ADCY10: variants seen among roughly 807,000 people sequenced by gnomAD.
ADCY10 encodes the protein adenylate cyclase type 10.
A neutral mutation model predicts 183.3 loss-of-function variants in ADCY10; 156 were observed. The ratio of observed to expected loss-of-function variants is 0.85; its 90% CI spans 0.75 to 0.97. The LOEUF (loss-of-function observed/expected upper bound fraction) is 0.97. Ranked by LOEUF, ADCY10 falls within the 50% of genes least tolerant of loss-of-function variation. The probability of loss-of-function intolerance (pLI) is 0.00; values close to 1 mark genes in which losing one functional copy is unlikely to be tolerated. For synonymous variants in ADCY10, 645 were observed against 670.0 expected (o/e 0.96, Z 0.58); for missense variants, 1,745 against 1,934.3 (o/e 0.90, Z 1.84).
Position 167,901,278 on chromosome 1 carries a change from C to T in ADCY10, c.436+384G>A, listed in dbSNP as rs1281670150. ...AGGTAGGGGGTGACCAGTCTCATGT[C>T]GTTGCTGAAACTATGTAATGGCAAG... On this transcript the variant is annotated intron_variant, in intron 5 of 32. Transcript: ENST00000367851. Among the ~76,000 whole-genome samples the T allele has an allele frequency of 3.9e-5, 6 of 152,072 alleles. No individual in the cohort carries two copies. The East Asian group carries it at 1.2e-3, about 29-fold the overall frequency.
chr1:167,910,243 A>G (rs1670067853), intron 1 of ADCY10, among the ~76,000 whole-genome samples: 1 of 152,128 alleles, frequency 6.6e-6, no homozygotes. Flanking sequence ...GCACCTTTTC[A>G]TATGTTAACT....
intron 8 of ADCY10, among the ~76,000 whole-genome samples, chr1:167,884,087 A>C (rs203852): frequency 1.3e-5 from 2 of 152,196 alleles, no homozygotes; most frequent in African/African-American, 4.8e-5. Flanking sequence ...TCAAGCATTT[A>C]TCCTTTGTGT....
chr1:167,812,618 A>G (rs1347877696), intron 31 of ADCY10, among the ~76,000 whole-genome samples: 1 of 152,250 alleles, frequency 6.6e-6, no homozygotes, highest in Non-Finnish European at 1.5e-5. Context: ...GCATACCAAG[A>G]AACAGGAAAG....
chr1:167,889,543 G>C (rs1040192130), intron 8 of ADCY10, among the ~76,000 whole-genome samples: 5 of 151,870 alleles, frequency 3.3e-5, no homozygotes, highest in Non-Finnish European at 5.9e-5. Flanking sequence ...TTCTTTTTTT[G>C]ATGTACTTTT....
intron 8 of ADCY10, among the ~76,000 whole-genome samples, chr1:167,885,759 C>T (rs1291289754): frequency 6.6e-5 from 10 of 151,982 alleles, no homozygotes; most frequent in East Asian, 3.9e-4. Context: ...GGATTACAGG[C>T]GCCCACCACT....
At chr1:167,821,458 A>G (rs1218561824) in intron 30 of ADCY10, among the ~76,000 whole-genome samples, 1 of 152,180 alleles carries the variant, frequency 6.6e-6, no homozygotes, top group African/African-American at 2.4e-5. Context: ...GTCTCTCTCT[A>G]TCTTGAGAGC....
In ADCY10 at chr1:167,845,741, C is replaced by T. The variant is rs367581082; in HGVS notation, c.2829G>A (p.Lys943=). The change falls in exon 21 of 33, where the codon AAG becomes AAA. Residue 943 remains lysine, a synonymous_variant. Coordinates refer to ENST00000367851, the MANE Select transcript of ADCY10 (RefSeq NM_018417.6). ...TCAAGTGCATGGCTTTTCTCTGGTCCTTGAGCCACAGCTCGTAGGCTGTTT... is the reference window on the plus strand; with the variant it reads ...TCAAGTGCATGGCTTTTCTCTGGTCTTTGAGCCACAGCTCGTAGGCTGTTT... ...MQKTAYELWL[K]DQRKAMHLKC... is the part of the protein sequence containing the mutation. 13 of 1,614,104 alleles carry T rather than the reference C, an allele frequency of 8.1e-6. No homozygotes were observed. The African/African-American group carries it at 9.3e-5, about 12-fold the overall frequency.
intron 13 of ADCY10, among the ~76,000 whole-genome samples, chr1:167,871,268 G>A (rs1667087882): frequency 6.6e-6 from 1 of 152,104 alleles, no homozygotes; most frequent in Non-Finnish European, 1.5e-5. Context: ...GCTACAAAAA[G>A]CATTACCAGG....
rs542802842 is a variant in ADCY10 at position 167,865,689 on chromosome 1, A to G, written c.1616+4568T>C. ...TACTAGAGGATCATAGAAGTTAAAG[A>G]CTTAAAACAAACTTTGGCAATTAAG... On this transcript the variant is annotated intron_variant, in intron 14 of 32. Coordinates refer to ENST00000367851, the MANE Select transcript of ADCY10 (RefSeq NM_018417.6). Among the ~76,000 whole-genome samples, 106 of 152,346 alleles carry G rather than the reference A, an allele frequency of 7.0e-4. 1 individual carries two copies. The highest frequency in any genetic ancestry group is 2.1e-3 in the African/African-American group (89 of 41,576).
In ADCY10 at chr1:167,896,533, T is replaced by A. The variant is rs1013039958; in HGVS notation, c.739+62A>T. The A allele has an allele frequency of 2.3e-6, 3 of 1,319,492 alleles. No individual in the cohort carries two copies. The African/African-American group carries it at 4.4e-5, about 19-fold the overall frequency. 81.7% of individuals were successfully genotyped at this position (1,319,492 alleles called of 1,614,324 possible). A position where few individuals can be genotyped will look rare whatever the true frequency, so the allele number is the denominator to read the frequency against. On this transcript the variant is annotated intron_variant, in intron 7 of 32. Transcript: ENST00000367851. The stretch of plus-strand genomic sequence containing the variant: ...CCACCAGTAATGAAGCTGTCGGCAT[T>A]GATATAAGACCCTACTGACCACTGG...
At chr1:167,827,334 ATTT>A (rs35177857) in intron 26 of ADCY10, among the ~76,000 whole-genome samples, 1 of 132,900 alleles carries the variant, frequency 7.5e-6, no homozygotes, top group Admixed American at 7.6e-5. Flanking sequence ...CGCCCGGCTA[ATTT>A]TTTTTTTTTT....
intron 1 of ADCY10, 103 bp from the exon 2 acceptor site, chr1:167,905,301 G>T: frequency 1.1e-6 from 1 of 905,914 alleles, no homozygotes; most frequent in East Asian, 2.6e-5. Flanking sequence ...CCTGCTTATA[G>T]TGGTGAAAAT....
In ADCY10 at chr1:167,837,299, C is replaced by G. The variant is rs1456203438; in HGVS notation, c.3027G>C (p.Leu1009Phe). Residue 1009 changes from leucine to phenylalanine, a missense_variant, in exon 22 of 33, where the codon TTG (leucine) becomes TTC (phenylalanine). Transcript: ENST00000367851. ...ATGTCTCAGGAATCTCTGAGTTGGA[C>G]AAGATAAGCTTTTCTTCAGCTAGAA... ...HGFKTEEKLI[L>F]SNSEIPETSA... The G allele has an allele frequency of 1.2e-6, 2 of 1,614,008 alleles. No homozygotes were observed. The highest frequency in any genetic ancestry group is 4.5e-5 in the East Asian group (2 of 44,876).
intron 32 of ADCY10, 110 bp from the exon 33 acceptor site, chr1:167,809,949 A>T: frequency 1.7e-6 from 2 of 1,149,332 alleles, no homozygotes; most frequent in Non-Finnish European, 2.6e-6. Context: ...AACCATGTGA[A>T]CCCATAGACA....
rs755772206 is a variant in ADCY10 at position 167,834,095 on chromosome 1, A to T, written c.3310-18T>A. On this transcript the variant is annotated intron_variant, in intron 23 of 32. Coordinates refer to ENST00000367851, the MANE Select transcript of ADCY10 (RefSeq NM_018417.6). The stretch of plus-strand genomic sequence containing the variant: ...ATGTATGCCTGTAACCAGCCCAAGG[A>T]GTAGAAAAGTGTTGATTCAGCAGGG... 21 of 1,588,636 alleles carry T rather than the reference A, an allele frequency of 1.3e-5. No individual in the cohort carries two copies. In the African/African-American group the frequency reaches 2.0e-4, roughly 15 times the overall value.
chr1:167,890,411 G>A (rs562828584), intron 8 of ADCY10, among the ~76,000 whole-genome samples: 1 of 152,264 alleles, frequency 6.6e-6, no homozygotes, highest in African/African-American at 2.4e-5. Flanking sequence ...AACAAATGGA[G>A]TCTCTATTTC....
chr1:167,905,470 C>A (rs757041471), intron 1 of ADCY10, among the ~76,000 whole-genome samples: 1 of 152,130 alleles, frequency 6.6e-6, no homozygotes, highest in Non-Finnish European at 1.5e-5. Flanking sequence ...AAGGGGTAGG[C>A]CCTCGCAGGG....
chr1:167,883,688 C>T (rs1668027259), intron 8 of ADCY10, 60 bp from the exon 9 acceptor site: 4 of 1,517,630 alleles, frequency 2.6e-6, no homozygotes, highest in African/African-American at 2.7e-5. Context: ...TCCCCCAACA[C>T]CGCCCCCACC....
chr1:167,854,254 G>A (rs1053457695), intron 18 of ADCY10, 99 bp downstream of exon 18: 1 of 1,446,392 alleles, frequency 6.9e-7, no homozygotes, highest in Admixed American at 1.7e-5. Context: ...GACTCTACAG[G>A]AAGCAGCCTG....
Sources: gnomAD v4.1 joint callset for allele counts (sites outside exome capture counted in the v4.1 genomes callset) on GRCh38, gnomAD v4.1.1 for gene constraint, MANE v1.5 for transcripts, NCBI Gene and HGNC (gene_info 2026-07-23, HGNC 2026-07-21) for gene names.